Variants in EIF4E observed in about 807,000 individuals in gnomAD.
The protein encoded by EIF4E is eukaryotic translation initiation factor 4E, also known as eIF-4F 25 kDa subunit.
For synonymous variants in EIF4E, 71 were observed against 88.5 expected (o/e 0.80, Z 1.11); for missense variants, 113 against 265.6 (o/e 0.43, Z 3.99).
chr4:98,897,722 T>C (rs1422574762), intron 2 of EIF4E, among the ~76,000 whole-genome samples: 4 of 152,236 alleles, frequency 2.6e-5, no homozygotes, highest in Admixed American at 1.3e-4. Context: ...GAACTTAAGA[T>C]TGTTGCTTAA....
intron 1 of EIF4E, among the ~76,000 whole-genome samples, chr4:98,924,344 T>C (rs1464642733): frequency 6.6e-6 from 1 of 152,208 alleles, no homozygotes; most frequent in Non-Finnish European, 1.5e-5. Flanking sequence ...CCCAAAGTGC[T>C]GGGATTACAG....
chr4:98,908,595 CAGTA>C (rs776140526), intron 1 of EIF4E, among the ~76,000 whole-genome samples: 3 of 152,156 alleles, frequency 2.0e-5, no homozygotes, highest in Non-Finnish European at 4.4e-5. Flanking sequence ...AGGACAGACA[CAGTA>C]AGAACAGAAA....
chr4:98,907,687 A>C (rs1036086068), intron 1 of EIF4E, among the ~76,000 whole-genome samples: 2 of 152,164 alleles, frequency 1.3e-5, no homozygotes, highest in Admixed American at 6.6e-5. Flanking sequence ...TCTAACCCCA[A>C]CTTGATGAGT....
chr4:98,906,732 A>G (rs1339993035), intron 1 of EIF4E, among the ~76,000 whole-genome samples: 1 of 152,160 alleles, frequency 6.6e-6, no homozygotes, highest in African/African-American at 2.4e-5. Context: ...ATGAAATGAA[A>G]CTTTAAAAAC....
At chr4:98,927,021 T>C (rs1230543807) in intron 1 of EIF4E, among the ~76,000 whole-genome samples, 2 of 152,204 alleles carry the variant, frequency 1.3e-5, no homozygotes, top group Non-Finnish European at 2.9e-5. Flanking sequence ...CCAGATGTAA[T>C]GCTTTTTACT....
At chr4:98,902,845 C>A (rs1724707964) in intron 1 of EIF4E, among the ~76,000 whole-genome samples, 1 of 151,644 alleles carries the variant, frequency 6.6e-6, no homozygotes, top group Non-Finnish European at 1.5e-5. Context: ...GTCTCAAAAA[C>A]AAACAAAACA....
Position 98,882,797 on chromosome 4 carries a change from C to G in EIF4E, c.540-1655G>C, listed in dbSNP as rs572747972. On this transcript the variant is annotated intron_variant, in intron 6 of 6. Coordinates refer to ENST00000450253, the MANE Select transcript of EIF4E (RefSeq NM_001968.5). ...ATTTAATATTGACAAAAATACAAAA[C>G]TTCCGTAGGAAAAAAATTCTTAATT... Among the ~76,000 whole-genome samples the G allele has an allele frequency of 7.5e-4, 112 of 150,312 alleles. 1 individual carries two copies. Among genetic ancestry groups the G allele is most frequent in the Non-Finnish European group, 1.3e-3 (90 of 67,600 alleles).
At chr4:98,897,903 TAACTCACTG>T (rs1724476308) in intron 2 of EIF4E, among the ~76,000 whole-genome samples, 1 of 152,206 alleles carries the variant, frequency 6.6e-6, no homozygotes, top group Admixed American at 6.5e-5. Flanking sequence ...AAGATCTGCA[TAACTCACTG>T]AACCATTATT....
In EIF4E at chr4:98,880,720, CT is replaced by C. The variant is rs1306233918; in HGVS notation, c.*307del. 3 of 189,548 alleles carry C rather than the reference CT, an allele frequency of 1.6e-5. No individual in the cohort carries two copies. The Admixed American group carries it at 1.8e-4, about 11-fold the overall frequency. 11.7% of individuals were successfully genotyped at this position (189,548 alleles called of 1,614,324 possible). A position where few individuals can be genotyped will look rare whatever the true frequency, so the allele number is the denominator to read the frequency against. ...TCTGACTATTGTGGATAGGTAAAAT[CT>C]GTATGTAATTAATGGTAATTCTACT... On this transcript the variant is annotated 3_prime_UTR_variant, in exon 7 of 7. Coordinates refer to ENST00000450253, the MANE Select transcript of EIF4E (RefSeq NM_001968.5).
At chr4:98,901,471 G>A (rs561172468) in intron 2 of EIF4E, among the ~76,000 whole-genome samples, 140 of 151,886 alleles carry the variant, frequency 9.2e-4, no homozygotes, top group Non-Finnish European at 1.0e-3. Context: ...TCCGCCTCCT[G>A]AAGTGCTGGG....
At chr4:98,927,254 A>G (rs1219947852) in intron 1 of EIF4E, among the ~76,000 whole-genome samples, 1 of 152,226 alleles carries the variant, frequency 6.6e-6, no homozygotes, top group African/African-American at 2.4e-5. Context: ...CAAGTAAGCA[A>G]GCAGAGAAGC....
At chr4:98,925,349 G>A (rs1362855538) in intron 1 of EIF4E, among the ~76,000 whole-genome samples, 5 of 152,104 alleles carry the variant, frequency 3.3e-5, no homozygotes, top group South Asian at 2.1e-4. Context: ...AATAATGAAC[G>A]ATGTAGAATG....
chr4:98,907,046 T>C (rs577271085), intron 1 of EIF4E, among the ~76,000 whole-genome samples: 1 of 152,358 alleles, frequency 6.6e-6, no homozygotes, highest in South Asian at 2.1e-4. Context: ...AATGGTTACC[T>C]GGCTTGCCAT....
chr4:98,905,984 A>C (rs1724854172), intron 1 of EIF4E, among the ~76,000 whole-genome samples: 1 of 152,186 alleles, frequency 6.6e-6, no homozygotes, highest in Admixed American at 6.5e-5. Flanking sequence ...AATCTGACTA[A>C]ACTTTAGGTT....
At chr4:98,881,748 G>A (rs181472251) in intron 6 of EIF4E, among the ~76,000 whole-genome samples, 47 of 152,288 alleles carry the variant, frequency 3.1e-4, no homozygotes, top group African/African-American at 1.1e-3. Flanking sequence ...GAAACACTTC[G>A]AGGGAGAATG....
At chr4:98,886,899 G>C (rs1723942557) in intron 5 of EIF4E, 180 bp downstream of exon 5, 3 of 594,368 alleles carry the variant, frequency 5.0e-6, no homozygotes, top group Non-Finnish European at 9.0e-6. Context: ...AATGTGGTAG[G>C]ATGTTTCACT....
Position 98,887,153 on chromosome 4 carries a change from G to T in EIF4E, c.325C>A (p.Arg109=). The change falls in exon 5 of 7, where the codon CGG becomes AGG. Residue 109 remains arginine, a synonymous_variant. Transcript: ENST00000450253. This position sits in a 1 kb window ranked among gnomAD's most constrained non-coding sequence, Gnocchi z 4.0. ...AATGTAATTAGCCATCGTCCTCCCC[G>T]TTTGTTTTTCTCATCTTCCCACATA... ...EPMWEDEKNK[R]GGRWLITLNK... 1 of 1,613,926 alleles carries T rather than the reference G, an allele frequency of 6.2e-7. No individual in the cohort carries two copies. Among genetic ancestry groups the T allele is most frequent in the Non-Finnish European group, 8.5e-7 (1 of 1,179,872 alleles).
chr4:98,917,792 C>G (rs951133796), intron 1 of EIF4E, among the ~76,000 whole-genome samples: 3 of 152,154 alleles, frequency 2.0e-5, no homozygotes, highest in Non-Finnish European at 4.4e-5. Flanking sequence ...ACTCTAAAAC[C>G]TGGCCAGGCG....
intron 1 of EIF4E, among the ~76,000 whole-genome samples, chr4:98,922,486 G>A (rs1725688620): frequency 6.6e-6 from 1 of 151,648 alleles, no homozygotes; most frequent in South Asian, 2.1e-4. Flanking sequence ...AACCCAGGAG[G>A]CGGAGGTTGC....
Sources: gnomAD v4.1 joint callset for allele counts (sites outside exome capture counted in the v4.1 genomes callset) on GRCh38, gnomAD v4.1.1 for gene constraint, Gnocchi (gnomAD v3.1) non-coding constraint, MANE v1.5 for transcripts, NCBI Gene and HGNC (gene_info 2026-07-23, HGNC 2026-07-21) for gene names.